STARD8: variants seen among roughly 807,000 people sequenced by gnomAD.
STARD8 encodes the protein StAR related lipid transfer domain containing 8, also known as stAR-related lipid transfer protein 8.
In STARD8, 25 loss-of-function variants were observed where a neutral mutation model predicts 69.4. That is an observed-to-expected ratio of 0.36 (90% CI 0.26 to 0.50). The LOEUF (loss-of-function observed/expected upper bound fraction) is 0.50. STARD8 is among the 20% of genes least tolerant of loss of function. The probability of loss-of-function intolerance (pLI) is 0.96; values close to 1 mark genes in which losing one functional copy is unlikely to be tolerated. For missense variants in STARD8, 921 were observed against 932.5 expected, an observed-to-expected ratio of 0.99 and a Z score of 0.16; for synonymous variants, 389 against 374.6, an observed-to-expected ratio of 1.04 and a Z score of -0.45.
Position 68,721,544 on chromosome X carries a change from A to G in STARD8, c.2257A>G (p.Lys753Glu), listed in dbSNP as rs1288215314. 8.3e-7 allele frequency: 1 copy of G among 1,211,502 alleles called. No individual in the cohort carries two copies. Among genetic ancestry groups the G allele is most frequent in the South Asian group, 1.8e-5 (1 of 56,905 alleles). The change falls in exon 10 of 15, where the codon AAG (lysine) becomes GAG (glutamate). Residue 753 changes from lysine (K) to glutamate (E), a missense_variant. Transcript: ENST00000374599. ...TFLQIYQLLPKDQWLAAAQAA... is the reference protein window; with the variant it reads ...TFLQIYQLLPEDQWLAAAQAA... ...CCATTGCTTCCTCACAGTCCTCCCC[A>G]AGGATCAGTGGTTGGCAGCAGCACA... is the stretch of plus-strand genomic sequence containing the variant.
intron 2 of STARD8, among the ~76,000 whole-genome samples, chrX:68,706,033 GT>G (rs987532553): frequency 8.9e-6 from 1 of 112,318 alleles, no homozygotes; most frequent in Non-Finnish European, 1.9e-5. Flanking sequence ...CTCCTGGGCT[GT>G]TTGCTTTGGT....
intron 2 of STARD8, among the ~76,000 whole-genome samples, chrX:68,665,906 G>A (rs975897773): frequency 2.7e-5 from 3 of 112,048 alleles, no homozygotes; most frequent in African/African-American, 9.8e-5. Flanking sequence ...ACAGGTAAGT[G>A]GAGGGTAAAG....
intron 1 of STARD8, 74 bp downstream of exon 1, chrX:68,648,001 A>C: frequency 8.9e-7 from 1 of 1,129,224 alleles, no homozygotes. Flanking sequence ...ACTGCGCACC[A>C]GCTGGGAAAA....
intron 2 of STARD8, among the ~76,000 whole-genome samples, chrX:68,691,784 C>T (rs186802653): frequency 2.5e-4 from 28 of 112,176 alleles, no homozygotes; most frequent in Non-Finnish European, 4.3e-4. Context: ...TAAAAAAATA[C>T]AGCTGGTGTC....
intron 2 of STARD8, among the ~76,000 whole-genome samples, chrX:68,694,309 T>A (rs1302606801): frequency 8.9e-6 from 1 of 112,762 alleles, no homozygotes; most frequent in African/African-American, 3.2e-5. Context: ...GCCTCATTGC[T>A]TTCTCTCCTG....
rs774998113 is a variant in STARD8 at position 68,718,546 on chromosome X, G to A, written c.1632G>A (p.Ala544=). 4.1e-6 allele frequency: 5 copies of A among 1,210,802 alleles called. No individual in the cohort carries two copies. Among genetic ancestry groups the A allele is most frequent in the Middle Eastern group, 2.3e-4 (1 of 4,355 alleles). The change falls in exon 6 of 15, where the codon GCG becomes GCA. Residue 544 remains alanine (A), a synonymous_variant. Coordinates refer to ENST00000374599, the MANE Select transcript of STARD8 (RefSeq NM_001142503.3). ...SGNSMNEAEA[A]GPLAGLQASM... ...ACTCCATGAATGAGGCTGAGGCTGC[G>A]GGGCCCCTGGCTGGACTCCAGGCAT...
At position 68,688,652 on chromosome X, in the gene STARD8, T is replaced by C. The variant is rs1364082391; in HGVS notation, c.79+23120T>C. On this transcript the variant is annotated intron_variant, in intron 2 of 14. Transcript: ENST00000374599. ...GATCCTGAGGGCTGTTCAAGGACTC[T>C]GGATACCCATAGCCCCAAGGTGAGC... Among the ~76,000 whole-genome samples, 2 of 112,404 alleles carry C rather than the reference T, an allele frequency of 1.8e-5. 1 individual carries two copies. Among genetic ancestry groups the C allele is most frequent in the African/African-American group, 6.4e-5 (2 of 31,071 alleles).
chrX:68,723,626 G>T lies in STARD8; in HGVS notation c.2800G>T (p.Ala934Ser), dbSNP rs1246840679. Residue 934 changes from alanine (A) to serine (S), a missense_variant and splice_region_variant, in exon 13 of 15, where the codon GCA becomes TCA. By Grantham distance (99) the Ala-to-Ser change is moderately conservative. Coordinates refer to ENST00000374599, the MANE Select transcript of STARD8 (RefSeq NM_001142503.3). The stretch of plus-strand genomic sequence containing the variant: ...CCATCCCCACTCCTGTGGCTCACAG[G>T]CACCGGATGGGCACCCCCTGCGGCT... ...PQHTELACRK[A>S]PDGHPLRLWK... 1 of 1,186,115 alleles carries T rather than the reference G, an allele frequency of 8.4e-7. No homozygotes were observed. Among genetic ancestry groups the T allele is most frequent in the South Asian group, 1.9e-5 (1 of 53,501 alleles).
intron 2 of STARD8, among the ~76,000 whole-genome samples, chrX:68,703,535 C>G (rs975446656): frequency 8.9e-6 from 1 of 112,502 alleles, no homozygotes; most frequent in East Asian, 2.8e-4. Context: ...GGGGAGGGGT[C>G]GTGTCTGCTC....
At position 68,721,001 on chromosome X, in the gene STARD8, T is replaced by C; in HGVS notation, c.2127T>C (p.Asn709=). 8.3e-7 allele frequency: 1 copy of C among 1,211,776 alleles called. No homozygotes were observed. The highest frequency in any genetic ancestry group is 1.1e-6 in the Non-Finnish European group (1 of 895,493). The change falls in exon 9 of 15, where the codon AAT becomes AAC. Residue 709 remains asparagine, a synonymous_variant. Coordinates refer to ENST00000374599, the MANE Select transcript of STARD8 (RefSeq NM_001142503.3). ...AAATGAATGAGACCTCGCCTGACAA[T>C]GTCTGCTACGAGGGCCAGTCAGCCT... ...LRQMNETSPD[N]VCYEGQSAYD...
At position 68,676,623 on chromosome X, in the gene STARD8, T is replaced by C. The variant is rs1406724235; in HGVS notation, c.79+11091T>C. Among the ~76,000 whole-genome samples, 3 of 111,580 alleles carry C rather than the reference T, an allele frequency of 2.7e-5. 1 individual carries two copies. The highest frequency in any genetic ancestry group is 5.6e-5 in the Non-Finnish European group (3 of 53,112). On this transcript the variant is annotated intron_variant, in intron 2 of 14. Coordinates refer to ENST00000374599, the MANE Select transcript of STARD8 (RefSeq NM_001142503.3). ...GTTCCCTCCCACTTTCAAATCCCCA[T>C]CATACTGTATATCTGTCTTATAGCA...
At chrX:68,705,462 G>T (rs1013460662) in intron 2 of STARD8, among the ~76,000 whole-genome samples, 5 of 112,615 alleles carry the variant, frequency 4.4e-5, no homozygotes, top group Non-Finnish European at 7.5e-5. Context: ...GGGGTTTCTT[G>T]TGTAACTTCC....
intron 2 of STARD8, among the ~76,000 whole-genome samples, chrX:68,672,209 C>T (rs1242228612): frequency 9.0e-6 from 1 of 111,650 alleles, no homozygotes; most frequent in Non-Finnish European, 1.9e-5. Context: ...CCTATTTTCA[C>T]CCCTTGGAAG....
intron 1 of STARD8, among the ~76,000 whole-genome samples, chrX:68,661,136 C>T (rs1198455530): frequency 1.8e-5 from 2 of 111,631 alleles, no homozygotes; most frequent in South Asian, 3.8e-4. Context: ...TCTCTCCAGA[C>T]ATCTCCTCAG....
intron 9 of STARD8, 84 bp from the exon 10 acceptor site, chrX:68,721,452 C>CT: frequency 1.9e-6 from 2 of 1,059,364 alleles, no homozygotes; most frequent in Non-Finnish European, 2.6e-6. Flanking sequence ...ACTGCTGTGC[C>CT]TTTTGCCCCC....
chrX:68,724,108 C>T lies in STARD8; in HGVS notation c.3181C>T (p.Arg1061Trp). ...CCGCTCTCGGCTCACACACATCTGCCGGGCTGACCTCAGGTATCAGGCCTG... is the reference window on the plus strand; with the variant it reads ...CCGCTCTCGGCTCACACACATCTGCTGGGCTGACCTCAGGTATCAGGCCTG... ...LGRSRLTHIC[R>W]ADLRGRSPDW... is the part of the protein sequence containing the mutation. The change falls in exon 14 of 15, where the codon CGG becomes TGG. Residue 1061 changes from arginine (R) to tryptophan (W), a missense_variant. Physicochemically the swap from Arg to Trp is moderately radical, Grantham distance 101. Coordinates refer to ENST00000374599, the MANE Select transcript of STARD8 (RefSeq NM_001142503.3). 8.3e-7 allele frequency: 1 copy of T among 1,210,248 alleles called. No individual in the cohort carries two copies. Among genetic ancestry groups the T allele is most frequent in the Admixed American group, 2.2e-5 (1 of 46,037 alleles).
chrX:68,691,410 C>A (rs1193799189), intron 2 of STARD8, among the ~76,000 whole-genome samples: 1 of 111,635 alleles, frequency 9.0e-6, no homozygotes, highest in Non-Finnish European at 1.9e-5. Flanking sequence ...TTAATCCATG[C>A]AAGACTCAGG....
chrX:68,653,064 A>C (rs1602534827), intron 1 of STARD8, among the ~76,000 whole-genome samples: 1 of 32,747 alleles, frequency 3.1e-5, no homozygotes, highest in Non-Finnish European at 5.5e-5. Context: ...CACACACACC[A>C]CACACCACAC....
At position 68,723,020 on chromosome X, in the gene STARD8, C is replaced by T. The variant is rs6625363; in HGVS notation, c.2799+374C>T. On this transcript the variant is annotated intron_variant, in intron 12 of 14. Coordinates refer to ENST00000374599, the MANE Select transcript of STARD8 (RefSeq NM_001142503.3). ...CCCTGACCCCAAGCATTACGTCTCC[C>T]GAGTCACCTTTAGCGACAACGGAAT... 5.5e-4 allele frequency among the ~76,000 whole-genome samples: 62 copies of T among 112,490 alleles called. 1 individual carries two copies. The East Asian group carries it at 0.012, about 21-fold the overall frequency.
Sources: allele counts gnomAD v4.1 joint callset (sites outside exome capture counted in the v4.1 genomes callset), GRCh38; gene constraint gnomAD v4.1.1; transcripts MANE v1.5; gene names NCBI Gene and HGNC (gene_info 2026-07-23, HGNC 2026-07-21).